PCDH15: variants seen among roughly 807,000 people sequenced by gnomAD.
PCDH15 encodes the protein protocadherin related 15.
Under a neutral mutation model 178.5 loss-of-function variants are expected in PCDH15, and 129 were observed. The ratio of observed to expected loss-of-function variants is 0.72; its 90% confidence interval spans 0.63 to 0.84. The LOEUF (loss-of-function observed/expected upper bound fraction) is 0.84. Among genes scored for constraint, PCDH15 ranks in the 40% least tolerant of loss-of-function variants. The pLI, the probability that PCDH15 is intolerant of heterozygous loss-of-function variation, is 0.00. For missense variants in PCDH15, 2,230 were observed against 2,099.9 expected (o/e 1.06, Z -1.21); for synonymous variants, 800 against 732.0 (o/e 1.09, Z -1.50).
chr10:55,377,522 T>C (rs1837427403), intron 2 of PCDH15, among the ~76,000 whole-genome samples: 1 of 152,010 alleles, frequency 6.6e-6, no homozygotes, highest in Admixed American at 6.6e-5. Context: ...TAAAATAGCT[T>C]ACTATATTTA....
intron 1 of PCDH15, among the ~76,000 whole-genome samples, chr10:54,745,502 T>C (rs1293301254): frequency 1.3e-5 from 2 of 152,200 alleles, no homozygotes; most frequent in African/African-American, 4.8e-5. Context: ...TTGCTATTGA[T>C]GTATGCTGAA....
chr10:54,378,653 A>C (rs1410905192), intron 4 of PCDH15, 129 bp downstream of exon 4: 1 of 1,039,938 alleles, frequency 9.6e-7, no homozygotes, highest in Non-Finnish European at 1.4e-6. Flanking sequence ...GAGTTAAAGA[A>C]ACTGTTGTTG....
chr10:53,807,081 G>T lies in PCDH15; in HGVS notation c.4721C>A (p.Thr1574Asn), dbSNP rs1171117330. 2 of 1,612,652 alleles carry T rather than the reference G, an allele frequency of 1.2e-6. No homozygotes were observed. Among genetic ancestry groups the T allele is most frequent in the East Asian group, 4.5e-5 (2 of 44,854 alleles). ...IKLVVDREYE[T>N]SSTGEDSAPE... The stretch of plus-strand genomic sequence containing the variant: ...AGCACTGTCTTCTCCAGTTGAGCTG[G>T]TTTCATACTCTCGATCAACAACTAA... The change falls in exon 38 of 38, where the codon ACC becomes AAC. Residue 1574 changes from threonine to asparagine, a missense_variant. By Grantham distance (65) the Thr-to-Asn change is moderately conservative. Coordinates refer to ENST00000644397, the MANE Select transcript of PCDH15 (RefSeq NM_001384140.1).
chr10:54,351,113 A>AAAAAAAAG (rs1944105739), intron 5 of PCDH15, among the ~76,000 whole-genome samples: 1 of 152,166 alleles, frequency 6.6e-6, no homozygotes, highest in Admixed American at 6.5e-5. Context: ...AATTTAAAAA[A>AAAAAAAAG]AAAAAAAGAT....
At position 55,538,993 on chromosome 10, in the gene PCDH15, TC is replaced by T. The variant is rs1484131475; in HGVS notation, c.-156+88631del. ...CTTCCTCCTTTCCTTCCTTCCTTCC[TC>T]CTTTCCTTCCCTCCTCCTTTCCTTC... On this transcript the variant is annotated intron_variant, in intron 2 of 5. Transcript: ENST00000613346. 4.2e-4 allele frequency among the ~76,000 whole-genome samples: 55 copies of T among 131,746 alleles called. 6 individuals are homozygous for T. The highest frequency in any genetic ancestry group is 1.6e-3 in the African/African-American group (52 of 31,890). 86.4% of individuals were successfully genotyped at this position (131,746 alleles called of 152,430 possible).
At chr10:54,138,233 G>T (rs1347818555) in intron 14 of PCDH15, among the ~76,000 whole-genome samples, 1 of 152,018 alleles carries the variant, frequency 6.6e-6, no homozygotes, top group African/African-American at 2.4e-5. Flanking sequence ...TTGGGGGCTT[G>T]TTTGTAATTG....
intron 21 of PCDH15, among the ~76,000 whole-genome samples, chr10:53,976,063 T>G (rs1046164083): frequency 6.6e-6 from 1 of 152,184 alleles, no homozygotes; most frequent in Non-Finnish European, 1.5e-5. Flanking sequence ...TTTTGTCACA[T>G]GTCAGATGGT....
chr10:54,564,642 T>G (rs2088729353), intron 2 of PCDH15, among the ~76,000 whole-genome samples: 1 of 152,136 alleles, frequency 6.6e-6, no homozygotes, highest in Non-Finnish European at 1.5e-5. Context: ...GCTTTTTATT[T>G]TTATTGTTTT....
intron 1 of PCDH15, among the ~76,000 whole-genome samples, chr10:55,265,311 G>GAGATATATAT: frequency 6.9e-6 from 1 of 144,250 alleles, no homozygotes; most frequent in East Asian, 2.0e-4. Context: ...GTATCTCTAT[G>GAGATATATAT]ATATATATAT....
intron 1 of PCDH15, among the ~76,000 whole-genome samples, chr10:54,741,103 T>C (rs1314110109): frequency 6.6e-6 from 1 of 151,792 alleles, no homozygotes; most frequent in Non-Finnish European, 1.5e-5. Flanking sequence ...ATTGTATGCA[T>C]GTATCAAAAT....
intron 2 of PCDH15, among the ~76,000 whole-genome samples, chr10:55,373,657 T>C (rs1845556314): frequency 6.6e-6 from 1 of 151,868 alleles, no homozygotes; most frequent in Non-Finnish European, 1.5e-5. Flanking sequence ...CATGAAATAA[T>C]AGGGAGTGAT....
At chr10:54,921,233 T>G (rs780078780) in intron 2 of PCDH15, among the ~76,000 whole-genome samples, 4 of 152,218 alleles carry the variant, frequency 2.6e-5, no homozygotes, top group Non-Finnish European at 5.9e-5. Flanking sequence ...TGTCCAAATT[T>G]CATACTTTTT....
At chr10:54,642,533 C>T (rs948569737) in intron 2 of PCDH15, among the ~76,000 whole-genome samples, 1 of 151,726 alleles carries the variant, frequency 6.6e-6, no homozygotes, top group African/African-American at 2.4e-5. Context: ...TTAAAAAATA[C>T]GTTGAAAGAC....
intron 3 of PCDH15, among the ~76,000 whole-genome samples, chr10:54,448,963 C>T (rs1456630143): frequency 6.6e-6 from 1 of 151,714 alleles, no homozygotes; most frequent in East Asian, 1.9e-4. Context: ...AAAAGTTTCA[C>T]TCTATTGGTA....
chr10:54,213,321 CTATT>C (rs1358448480), intron 10 of PCDH15, among the ~76,000 whole-genome samples: 1 of 151,898 alleles, frequency 6.6e-6, no homozygotes, highest in East Asian at 1.9e-4. Context: ...TTTTCAGTAT[CTATT>C]TAATGATTAT....
chr10:54,700,950 A>G (rs1257860333), intron 1 of PCDH15, among the ~76,000 whole-genome samples: 1 of 152,108 alleles, frequency 6.6e-6, no homozygotes, highest in Non-Finnish European at 1.5e-5. Context: ...AAAATGTTAA[A>G]TGCTGCTAGA....
At chr10:55,542,388 T>TCTATATATATA in intron 2 of PCDH15, among the ~76,000 whole-genome samples, 1 of 151,062 alleles carries the variant, frequency 6.6e-6, no homozygotes, top group South Asian at 2.1e-4. Context: ...ATATATAGTG[T>TCTATATATATA]GTACATGGAT....
intron 2 of PCDH15, among the ~76,000 whole-genome samples, chr10:55,523,028 C>G (rs1841220355): frequency 6.6e-6 from 1 of 151,694 alleles, no homozygotes; most frequent in South Asian, 2.1e-4. Context: ...ATAGTTATTA[C>G]AGTCTATTTT....
At chr10:53,983,081 A>G (rs1010669941) in intron 21 of PCDH15, among the ~76,000 whole-genome samples, 2 of 152,002 alleles carry the variant, frequency 1.3e-5, no homozygotes, top group Non-Finnish European at 2.9e-5. Flanking sequence ...TTACCCCGAC[A>G]TGGTTTCCAA....
Sources: gnomAD v4.1 joint callset for allele counts (sites outside exome capture counted in the v4.1 genomes callset) on GRCh38, gnomAD v4.1.1 for gene constraint, MANE v1.5 for transcripts, NCBI Gene and HGNC (gene_info 2026-07-23, HGNC 2026-07-21) for gene names.